REEP2: variants seen among roughly 807,000 people sequenced by gnomAD.
The protein encoded by REEP2 is receptor accessory protein 2.
Under a neutral mutation model 32.1 loss-of-function variants are expected in REEP2, and 9 were observed. The ratio of observed to expected loss-of-function variants is 0.28; its 90% CI spans 0.17 to 0.49. The LOEUF (loss-of-function observed/expected upper bound fraction) is 0.49, where lower values mean the gene tolerates loss of function less well. Among genes scored for constraint, REEP2 ranks in the 20% least tolerant of loss-of-function variants. The pLI is 0.99. For synonymous variants in REEP2, 128 were observed against 139.1 expected, an observed-to-expected ratio of 0.92 and a Z score of 0.56; for missense variants, 236 against 338.0, an observed-to-expected ratio of 0.70 and a Z score of 2.37.
chr5:138,444,213 T>G, intron 3 of REEP2: 1 of 548,358 alleles, frequency 1.8e-6, no homozygotes, highest in East Asian at 3.1e-5. Flanking sequence ...CTAGTGTCAC[T>G]GCTTACCTTC....
intron 3 of REEP2, among the ~76,000 whole-genome samples, chr5:138,444,120 AG>A (rs1763878280): frequency 6.6e-6 from 1 of 152,012 alleles, no homozygotes; most frequent in South Asian, 2.1e-4. Flanking sequence ...GGGCAGAGGA[AG>A]GGGGGTTTTC....
chr5:138,445,294 G>A lies in REEP2; in HGVS notation c.484G>A (p.Glu162Lys), dbSNP rs1194160589. The change falls in exon 6 of 8, where the codon GAG becomes AAG. Residue 162 changes from glutamate (E) to lysine (K), a missense_variant. Coordinates refer to ENST00000378339, the MANE Select transcript of REEP2 (RefSeq NM_001271803.2). ...GCAGGACCTGACCCTGATCCGGGAC[G>A]AGGACGCACTGCCCCTGCAGAGGCC... Reference protein sequence around the residue: ...SMQDLTLIRDEDALPLQRPDG... With the variant: ...SMQDLTLIRDKDALPLQRPDG... 1.9e-6 allele frequency: 3 copies of A among 1,613,584 alleles called. No individual in the cohort carries two copies. The highest frequency in any genetic ancestry group is 2.2e-5 in the East Asian group (1 of 44,860).
chr5:138,445,185 G>A (rs372754539), intron 5 of REEP2, 43 bp from the exon 6 acceptor site: 10 of 1,543,562 alleles, frequency 6.5e-6, no homozygotes, highest in South Asian at 3.8e-5. Flanking sequence ...TCTCCACCCC[G>A]CCCCTTCCCC....
chr5:138,444,255 C>A (rs1010021274), intron 3 of REEP2, 160 bp from the exon 4 acceptor site: 4 of 761,150 alleles, frequency 5.3e-6, no homozygotes, highest in Non-Finnish European at 8.3e-6. Context: ...CCCTCCAGAC[C>A]CTTTCAGATT....
In REEP2 at chr5:138,443,460, CA is replaced by C. The variant is rs35414889; in HGVS notation, c.183-935del. On this transcript the variant is annotated intron_variant, in intron 3 of 7. Transcript: ENST00000378339. ...GGGCAACAAGAACGAGACTCTGTCT[CA>C]AAAAAAAAAAAAAAAAAAAGATGAG... The C allele has an allele frequency of 1.9e-3, 172 of 92,500 alleles. 1 individual carries two copies. The highest frequency in any genetic ancestry group is 5.8e-3 in the African/African-American group (136 of 23,316). The allele number at this position is 92,500 out of a possible 1,614,324, so 5.7% of individuals were successfully genotyped here.
At chr5:138,445,143 TG>T in intron 5 of REEP2, 84 bp from the exon 6 acceptor site, 1 of 1,441,288 alleles carries the variant, frequency 6.9e-7, no homozygotes, top group Non-Finnish European at 9.3e-7. Flanking sequence ...GCACCGAGCC[TG>T]GGGCTGCTGC....
intron 1 of REEP2, chr5:138,440,799 T>G: frequency 1.1e-6 from 1 of 873,304 alleles, no homozygotes; most frequent in Non-Finnish European, 1.7e-6. Context: ...CCTCCGGGGC[T>G]AGAGAAAAAC....
intron 4 of REEP2, 74 bp downstream of exon 4, chr5:138,444,609 G>T: frequency 6.3e-7 from 1 of 1,590,548 alleles, no homozygotes; most frequent in South Asian, 1.1e-5. Context: ...GCCTCATACA[G>T]ACTGGCCCTC....
intron 5 of REEP2, 76 bp from the exon 6 acceptor site, chr5:138,445,152 T>C: frequency 6.8e-7 from 1 of 1,477,706 alleles, no homozygotes; most frequent in Non-Finnish European, 9.1e-7. Context: ...CTGGGGCTGC[T>C]GCCAGCACCA....
In REEP2 at chr5:138,445,799, G is replaced by A. The variant is rs1438853076; in HGVS notation, c.*48G>A. 1 of 1,572,766 alleles carries A rather than the reference G, an allele frequency of 6.4e-7. No individual in the cohort carries two copies. Among genetic ancestry groups the A allele is most frequent in the Non-Finnish European group, 8.7e-7 (1 of 1,152,692 alleles). ...CAGAGCAAGGATGAAGCCTCAGGAG[G>A]GGCCTCAGACCCAGCCCCTGCTCCA... is the stretch of plus-strand genomic sequence containing the variant. On this transcript the variant is annotated 3_prime_UTR_variant, in exon 8 of 8. Coordinates refer to ENST00000378339, the MANE Select transcript of REEP2 (RefSeq NM_001271803.2).
intron 1 of REEP2, chr5:138,439,532 T>C (rs1763783171): frequency 1.9e-6 from 1 of 517,236 alleles, no homozygotes; most frequent in African/African-American, 1.9e-5. Flanking sequence ...GCAGCACGGC[T>C]TGATTTAAAA....
rs139900733 is a variant in REEP2, at chr5:138,445,234, G to C, written c.424G>C (p.Gly142Arg). The change falls in exon 6 of 8, where the codon GGG becomes CGG. Residue 142 changes from glycine (G) to arginine (R), a missense_variant. Coordinates refer to ENST00000378339, the MANE Select transcript of REEP2 (RefSeq NM_001271803.2). Reference sequence around the variant, plus strand: ...TGCGTGGTGGTGACCCTAGGGCCAGGGGGTGCTGTCAGAGAAGCTCCGCAG... The same window carrying C: ...TGCGTGGTGGTGACCCTAGGGCCAGCGGGTGCTGTCAGAGAAGCTCCGCAG... ...AAVTAAAKGQ[G>R]VLSEKLRSFS... 4.4e-6 allele frequency: 7 copies of C among 1,606,544 alleles called. No homozygotes were observed. The highest frequency in any genetic ancestry group is 2.7e-5 in the African/African-American group (2 of 74,766).
chr5:138,445,863 C>G lies in REEP2; in HGVS notation c.*112C>G, dbSNP rs1013657534. On this transcript the variant is annotated 3_prime_UTR_variant, in exon 8 of 8. Transcript: ENST00000378339. ...GCCTAGGTGTCTCAGGCCCCTGGGC[C>G]CCGCAGATGGCCATTTCCGGTGCCT... 12 of 1,069,092 alleles carry G rather than the reference C, an allele frequency of 1.1e-5. No homozygotes were observed. Among genetic ancestry groups the G allele is most frequent in the African/African-American group, 3.2e-5 (2 of 62,190 alleles). The allele number at this position is 1,069,092 out of a possible 1,614,324, so 66.2% of individuals were successfully genotyped here.
chr5:138,439,253 G>T lies in REEP2; in HGVS notation c.32+13G>T, dbSNP rs1269446089. 1 of 1,420,582 alleles carries T rather than the reference G, an allele frequency of 7.0e-7. No individual in the cohort carries two copies. 88.0% of individuals were successfully genotyped at this position (1,420,582 alleles called of 1,614,324 possible). A position where few individuals can be genotyped will look rare whatever the true frequency, so the allele number is the denominator to read the frequency against. ...CTCGCCTGGTGGTGTGAGTGCGGCGGCGGCGGGGGGTGATGCGGGCTGTGA... is the reference window on the plus strand; with the variant it reads ...CTCGCCTGGTGGTGTGAGTGCGGCGTCGGCGGGGGGTGATGCGGGCTGTGA... On this transcript the variant is annotated intron_variant, in intron 1 of 7. Transcript: ENST00000378339.
At position 138,444,395 on chromosome 5, in the gene REEP2, G is replaced by A. The variant is rs754268226; in HGVS notation, c.183-20G>A. 87 of 1,612,482 alleles carry A rather than the reference G, an allele frequency of 5.4e-5. No homozygotes were observed. The highest frequency in any genetic ancestry group is 1.7e-4 in the Middle Eastern group (1 of 6,052). On this transcript the variant is annotated intron_variant, in intron 3 of 7. Transcript: ENST00000378339. The stretch of plus-strand genomic sequence containing the variant: ...CCCAACTCCCTGCCCTGTACTCTGC[G>A]CTTGCCCCTGTCCCAACAGGTTCCC...
chr5:138,444,706 G>A (rs1763891485), intron 4 of REEP2, 48 bp from the exon 5 acceptor site: 1 of 1,592,296 alleles, frequency 6.3e-7, no homozygotes, highest in Non-Finnish European at 8.6e-7. Flanking sequence ...GGGTGAACAA[G>A]GGTAGGGCAG....
At chr5:138,439,303 G>C in intron 1 of REEP2, 63 bp downstream of exon 1, 1 of 1,387,238 alleles carries the variant, frequency 7.2e-7, no homozygotes, top group Admixed American at 2.7e-5. Flanking sequence ...GTTAAAGCCC[G>C]GGTGGACTTC....
chr5:138,441,444 G>T lies in REEP2; in HGVS notation c.165G>T (p.Thr55=). The T allele has an allele frequency of 1.2e-6, 2 of 1,614,144 alleles. No individual in the cohort carries two copies. The highest frequency in any genetic ancestry group is 2.2e-5 in the South Asian group (2 of 91,082). Residue 55 remains threonine (T), a synonymous_variant, in exon 3 of 8, where the codon ACG becomes ACT. Coordinates refer to ENST00000378339, the MANE Select transcript of REEP2 (RefSeq NM_001271803.2). The surrounding 1 kb of genome is among the most constrained non-coding windows in gnomAD (Gnocchi z 4.4). ...FAFFTTAETL[T]DIVLSWFPFY... ...TCTTCACCACGGCCGAGACGCTCAC[G>T]GATATAGTGCTCTCCTGGTGAGGTC... is the stretch of plus-strand genomic sequence containing the variant.
At chr5:138,439,710 T>G in intron 1 of REEP2, 2 of 457,068 alleles carry the variant, frequency 4.4e-6, no homozygotes, top group Non-Finnish European at 8.8e-6. Flanking sequence ...GGCCCCTTGG[T>G]CTCTCCCTTC....
Sources: allele counts gnomAD v4.1 joint callset (sites outside exome capture counted in the v4.1 genomes callset), GRCh38; gene constraint gnomAD v4.1.1; non-coding constraint Gnocchi (gnomAD v3.1); transcripts MANE v1.5; gene names NCBI Gene and HGNC (gene_info 2026-07-23, HGNC 2026-07-21).